Variants in IGF2R observed in about 807,000 individuals in gnomAD.
IGF2R encodes the protein cation-independent mannose-6-phosphate receptor.
IGF2R carries 91 observed loss-of-function variants against 270.6 expected under a neutral mutation model. That is an observed-to-expected ratio of 0.34 (90% confidence interval 0.28 to 0.40). IGF2R has a LOEUF of 0.40. Ranked by LOEUF, IGF2R falls within the 10% of genes least tolerant of loss-of-function variation. IGF2R has a pLI of 1.00. For missense variants in IGF2R, 2,805 were observed against 3,188.3 expected (o/e 0.88, Z 2.90); for synonymous variants, 1,316 against 1,258.9 (o/e 1.05, Z -0.96).
At chr6:160,094,871 C>G (rs1452631665) in intron 44 of IGF2R, 2 of 130,086 alleles carry the variant, frequency 1.5e-5, no homozygotes, top group African/African-American at 6.1e-5. Context: ...ACACTCCAGC[C>G]TGGGCGACAG....
At position 160,073,850 on chromosome 6, in the gene IGF2R, G is replaced by T. The variant is rs139703298; in HGVS notation, c.5041G>T (p.Asp1681Tyr). The change falls in exon 35 of 48, where the codon GAT (aspartate) becomes TAT (tyrosine). Residue 1681 changes from aspartate to tyrosine, a missense_variant. This residue lies in a region of IGF2R where 1,851 missense variants were observed against 2,207.2 expected (regional missense o/e 0.84). Coordinates refer to ENST00000356956, the MANE Select transcript of IGF2R (RefSeq NM_000876.4). ...GGYEAYDESE[D>Y]DASDTNPDFY... ...TTATGAGGCTTATGATGAGAGTGAG[G>T]ATGATGCCTCCGATACCAACCCTGA... is the stretch of plus-strand genomic sequence containing the variant. 544 of 1,613,810 alleles carry T rather than the reference G, an allele frequency of 3.4e-4. No individual in the cohort carries two copies. Among genetic ancestry groups the T allele is most frequent in the Non-Finnish European group, 4.4e-4 (516 of 1,179,850 alleles).
At position 160,096,419 on chromosome 6, in the gene IGF2R, G is replaced by A. The variant is rs758506248; in HGVS notation, c.6656-20G>A. Reference sequence around the variant, plus strand: ...GAAAAATGATGGTGACATGCCATGTGTGCCCTTCCCGTTTGACAGACGGCG... The same window carrying A: ...GAAAAATGATGGTGACATGCCATGTATGCCCTTCCCGTTTGACAGACGGCG... On this transcript the variant is annotated intron_variant, in intron 44 of 47. Transcript: ENST00000356956. 1 of 1,602,544 alleles carries A rather than the reference G, an allele frequency of 6.2e-7. No individual in the cohort carries two copies. The highest frequency in any genetic ancestry group is 8.5e-7 in the Non-Finnish European group (1 of 1,172,136).
intron 10 of IGF2R, among the ~76,000 whole-genome samples, chr6:160,037,430 T>C (rs1445637380): frequency 6.6e-6 from 1 of 152,230 alleles, no homozygotes; most frequent in Non-Finnish European, 1.5e-5. Context: ...TTGGAGAATA[T>C]CCCTTGGTAG....
At chr6:160,090,223 C>A in intron 44 of IGF2R, 120 bp downstream of exon 44, 1 of 619,072 alleles carries the variant, frequency 1.6e-6, no homozygotes, top group Non-Finnish European at 2.6e-6. Flanking sequence ...AAACCTTGGT[C>A]TAATTCTTTA....
At chr6:160,014,891 C>T (rs570326942) in intron 4 of IGF2R, among the ~76,000 whole-genome samples, 1 of 152,334 alleles carries the variant, frequency 6.6e-6, no homozygotes, top group Admixed American at 6.5e-5. Context: ...TGCTGGTACC[C>T]TCTGAGCACT....
chr6:159,981,739 T>G (rs1236050854), intron 1 of IGF2R, among the ~76,000 whole-genome samples: 1 of 152,220 alleles, frequency 6.6e-6, no homozygotes, highest in Non-Finnish European at 1.5e-5. Context: ...GGCACCTTTC[T>G]TAGGGTAGCG....
chr6:160,024,671 A>G lies in IGF2R; in HGVS notation c.613A>G (p.Thr205Ala), dbSNP rs768116269. 11 of 1,614,002 alleles carry G rather than the reference A, an allele frequency of 6.8e-6. No individual in the cohort carries two copies. The highest frequency in any genetic ancestry group is 1.1e-5 in the South Asian group (1 of 91,086). The change falls in exon 5 of 48, where the codon ACT (threonine) becomes GCT (alanine). Residue 205 changes from threonine to alanine, a missense_variant. Physicochemically the swap from Thr to Ala is moderately conservative, Grantham distance 58. Transcript: ENST00000356956. Reference sequence around the variant, plus strand: ...CTTGGTGGATGACTCCGATCCGGACACTTCTCTATTCATCAATGTTTGTAG... The same window carrying G: ...CTTGGTGGATGACTCCGATCCGGACGCTTCTCTATTCATCAATGTTTGTAG... ...AYLVDDSDPD[T>A]SLFINVCRDI...
chr6:160,083,836 CA>C, intron 39 of IGF2R, 113 bp from the exon 40 acceptor site: 1 of 760,932 alleles, frequency 1.3e-6, no homozygotes, highest in South Asian at 1.6e-5. Flanking sequence ...AACATCTCAG[CA>C]AAGCAATTGT....
rs778342736 is a variant in IGF2R, at chr6:160,080,147, C to T, written c.5705C>T (p.Pro1902Leu). The T allele has an allele frequency of 6.2e-7, 1 of 1,614,154 alleles. No homozygotes were observed. The highest frequency in any genetic ancestry group is 2.2e-5 in the East Asian group (1 of 44,886). Reference sequence around the variant, plus strand: ...TTTCCAGAAACCGATGACGGCGTCCCCTGTGTCTTCCCCTTCATATTCAAT... The same window carrying T: ...TTTCCAGAAACCGATGACGGCGTCCTCTGTGTCTTCCCCTTCATATTCAAT... ...RCPPETDDGV[P>L]CVFPFIFNGK... The change falls in exon 39 of 48, where the codon CCC becomes CTC. Residue 1902 changes from proline (P) to leucine (L), a missense_variant. Physicochemically the swap from Pro to Leu is moderately conservative, Grantham distance 98. Coordinates refer to ENST00000356956, the MANE Select transcript of IGF2R (RefSeq NM_000876.4).
At chr6:160,088,843 A>G in intron 42 of IGF2R, among the ~76,000 whole-genome samples, 1 of 152,220 alleles carries the variant, frequency 6.6e-6, no homozygotes. Context: ...CACCACAGTC[A>G]TCTTCCCTGT....
Position 160,024,577 on chromosome 6 carries a change from A to G in IGF2R, c.519A>G (p.Pro173=), listed in dbSNP as rs1777513185. The stretch of plus-strand genomic sequence containing the variant: ...TTTTTCTTCCTCCCTTCCAGGTGCC[A>G]TGCTATGTGTTTGATGAAGAGTTGA... ...KDIFKANKEV[P]CYVFDEELRK... is the part of the protein sequence containing the mutation. Residue 173 remains proline, a synonymous_variant, in exon 5 of 48, where the codon CCA becomes CCG. Coordinates refer to ENST00000356956, the MANE Select transcript of IGF2R (RefSeq NM_000876.4). 6.2e-7 allele frequency: 1 copy of G among 1,614,076 alleles called. No individual in the cohort carries two copies. The highest frequency in any genetic ancestry group is 2.2e-5 in the East Asian group (1 of 44,878).
At chr6:160,017,264 G>A (rs1220613152) in intron 4 of IGF2R, among the ~76,000 whole-genome samples, 1 of 152,130 alleles carries the variant, frequency 6.6e-6, no homozygotes, top group Admixed American at 6.5e-5. Context: ...CGAAGCAGAA[G>A]GAAGAATCTC....
chr6:159,972,006 T>C (rs1783616222), intron 1 of IGF2R, among the ~76,000 whole-genome samples: 2 of 152,150 alleles, frequency 1.3e-5, no homozygotes, highest in African/African-American at 4.8e-5. Flanking sequence ...TTTTGAAAAC[T>C]TTTCTTGGGG....
intron 14 of IGF2R, 34 bp from the exon 15 acceptor site, chr6:160,046,464 C>T (rs1378748528): frequency 4.4e-6 from 7 of 1,588,046 alleles, no homozygotes; most frequent in Admixed American, 1.9e-5. Context: ...TCGGACTGAC[C>T]TTCCATACTT....
rs1227404478 is a variant in IGF2R at position 160,107,506 on chromosome 6, G to A, written c.*2422G>A. The A allele has an allele frequency of 3.9e-5, 6 of 152,232 alleles. No individual in the cohort carries two copies. The highest frequency in any genetic ancestry group is 1.3e-4 in the Admixed American group (2 of 15,292). The allele number at this position is 152,232 out of a possible 1,614,324, so 9.4% of individuals were successfully genotyped here. Reference sequence around the variant, plus strand: ...GATGATATTTTTAGGAAAACATCCCGTGACAGCAAATCAGAATTGGACTCT... The same window carrying A: ...GATGATATTTTTAGGAAAACATCCCATGACAGCAAATCAGAATTGGACTCT... On this transcript the variant is annotated 3_prime_UTR_variant, in exon 48 of 48. Coordinates refer to ENST00000356956, the MANE Select transcript of IGF2R (RefSeq NM_000876.4).
intron 44 of IGF2R, chr6:160,093,498 C>A: frequency 1.8e-6 from 1 of 552,956 alleles, no homozygotes; most frequent in Non-Finnish European, 3.4e-6. Context: ...TTCCCACAGT[C>A]AAATCACACG....
intron 44 of IGF2R, among the ~76,000 whole-genome samples, chr6:160,091,904 G>C (rs1232553932): frequency 6.6e-6 from 1 of 152,210 alleles, no homozygotes; most frequent in Non-Finnish European, 1.5e-5. Context: ...GCAAGCTGCT[G>C]CTCCTACACA....
At chr6:160,012,499 G>C (rs1220177253) in intron 4 of IGF2R, among the ~76,000 whole-genome samples, 1 of 151,950 alleles carries the variant, frequency 6.6e-6, no homozygotes. Context: ...AGCACCTCAC[G>C]TGGCCAGAGC....
intron 4 of IGF2R, among the ~76,000 whole-genome samples, chr6:160,015,161 A>G (rs1401061915): frequency 6.6e-6 from 1 of 152,254 alleles, no homozygotes; most frequent in African/African-American, 2.4e-5. Flanking sequence ...AAAGCTAAAT[A>G]TTAAGCAGTT....
Sources: allele counts gnomAD v4.1 joint callset (sites outside exome capture counted in the v4.1 genomes callset), GRCh38; gene constraint gnomAD v4.1.1; regional missense constraint gnomAD v4.1.1; transcripts MANE v1.5; gene names NCBI Gene and HGNC (gene_info 2026-07-23, HGNC 2026-07-21).